The following RUNX1T1 variants were observed in gnomAD, a reference collection of about 807,000 sequenced individuals.
The protein encoded by RUNX1T1 is RUNX1 partner transcriptional co-repressor 1, also known as protein CBFA2T1.
RUNX1T1 carries 4 observed loss-of-function variants against 62.8 expected under a neutral mutation model. That is an observed-to-expected ratio of 0.06 (90% CI 0.03 to 0.15). RUNX1T1 has a LOEUF of 0.15. RUNX1T1 is among the 10% of genes least tolerant of loss of function. The pLI, the probability that RUNX1T1 is intolerant of heterozygous loss-of-function variation, is 1.00. For synonymous variants in RUNX1T1, 291 were observed against 286.0 expected (o/e 1.02, Z -0.18); for missense variants, 508 against 754.3 (o/e 0.67, Z 3.82).
intron 1 of RUNX1T1, among the ~76,000 whole-genome samples, chr8:92,054,503 T>C (rs566903187): frequency 3.9e-5 from 6 of 152,298 alleles, no homozygotes; most frequent in South Asian, 2.1e-4. Flanking sequence ...ATTGCCATCC[T>C]GTGAAAGTTA....
intron 1 of RUNX1T1, among the ~76,000 whole-genome samples, chr8:92,025,876 C>T (rs1230292272): frequency 1.3e-5 from 2 of 152,100 alleles, no homozygotes; most frequent in Non-Finnish European, 2.9e-5. Flanking sequence ...TTATTCAATT[C>T]ACCAGTTTTC....
At chr8:92,089,629 C>G (rs1220886543) in intron 1 of RUNX1T1, among the ~76,000 whole-genome samples, 4 of 152,094 alleles carry the variant, frequency 2.6e-5, no homozygotes, top group South Asian at 4.1e-4. Context: ...TGTCCAGTAA[C>G]TATGAGGCGA....
At chr8:92,035,177 C>G (rs1422829183) in intron 1 of RUNX1T1, among the ~76,000 whole-genome samples, 3 of 151,788 alleles carry the variant, frequency 2.0e-5, no homozygotes, top group Non-Finnish European at 2.9e-5. Flanking sequence ...CACCTGTAAT[C>G]CCAGCTACTT....
intron 8 of RUNX1T1, among the ~76,000 whole-genome samples, chr8:91,980,938 C>A (rs1036279893): frequency 1.6e-4 from 24 of 152,266 alleles, no homozygotes; most frequent in African/African-American, 5.5e-4. Context: ...TCCCAAAGTG[C>A]TGGGATTATA....
intron 1 of RUNX1T1, among the ~76,000 whole-genome samples, chr8:92,018,493 C>T (rs941415313): frequency 5.3e-5 from 8 of 152,094 alleles, no homozygotes; most frequent in African/African-American, 9.7e-5. Flanking sequence ...ACACACCCAA[C>T]GTATTTTGAG....
intron 8 of RUNX1T1, among the ~76,000 whole-genome samples, chr8:91,980,953 T>G (rs770087604): frequency 1.3e-5 from 2 of 152,080 alleles, no homozygotes; most frequent in African/African-American, 4.8e-5. Flanking sequence ...ATTATAGGCA[T>G]GAGACACTTC....
At chr8:92,035,575 G>A (rs539295804) in intron 1 of RUNX1T1, among the ~76,000 whole-genome samples, 7 of 152,052 alleles carry the variant, frequency 4.6e-5, no homozygotes, top group South Asian at 2.1e-4. Context: ...TATTTTATAC[G>A]GTTGTTTCAA....
At chr8:92,040,004 C>A (rs149059500) in intron 1 of RUNX1T1, among the ~76,000 whole-genome samples, 1 of 152,158 alleles carries the variant, frequency 6.6e-6, no homozygotes, top group African/African-American at 2.4e-5. Context: ...AATGTGACTC[C>A]TCTGCTTAAA....
At chr8:91,973,642 T>C (rs1813318966) in intron 9 of RUNX1T1, among the ~76,000 whole-genome samples, 1 of 152,084 alleles carries the variant, frequency 6.6e-6, no homozygotes, top group Non-Finnish European at 1.5e-5. Context: ...CATAGCCAAT[T>C]TTAGAAAGCT....
intron 1 of RUNX1T1, among the ~76,000 whole-genome samples, chr8:92,061,836 A>G (rs1269632222): frequency 1.3e-5 from 2 of 152,144 alleles, no homozygotes; most frequent in Non-Finnish European, 2.9e-5. Flanking sequence ...ACAGTTCTTG[A>G]GAACAGCCGA....
intron 9 of RUNX1T1, among the ~76,000 whole-genome samples, chr8:91,974,725 C>G (rs1485263310): frequency 6.6e-6 from 1 of 152,122 alleles, no homozygotes; most frequent in African/African-American, 2.4e-5. Context: ...GTATTTTAAC[C>G]TTTAAGCTAA....
intron 1 of RUNX1T1, among the ~76,000 whole-genome samples, chr8:92,030,842 T>C (rs1157059334): frequency 6.6e-6 from 1 of 152,198 alleles, no homozygotes; most frequent in African/African-American, 2.4e-5. Flanking sequence ...CTTCAACCTG[T>C]CTGGCGTCTG....
rs114453027 is a variant in RUNX1T1 at position 92,034,908 on chromosome 8, G to C, written c.8-17545C>G. 7.2e-3 allele frequency among the ~76,000 whole-genome samples: 1,089 copies of C among 151,510 alleles called. 14 individuals carry two copies. The highest frequency in any genetic ancestry group is 0.025 in the African/African-American group (1,014 of 41,296). On this transcript the variant is annotated intron_variant, in intron 1 of 10. Coordinates refer to ENST00000396218, the Ensembl canonical transcript of RUNX1T1. ...TGCAGCAACCCGGATGGAACTGGAG[G>C]CTATTATCCTAAGTGAAATACCTTA...
intron 1 of RUNX1T1, among the ~76,000 whole-genome samples, chr8:92,060,551 A>G (rs202105968): frequency 0.038 from 3,577 of 95,028 alleles, 122 homozygotes; most frequent in African/African-American, 0.089. Context: ...ATATATATAT[A>G]TATGTGTGTG....
At chr8:91,976,876 A>G (rs1423050781) in intron 8 of RUNX1T1, among the ~76,000 whole-genome samples, 1 of 152,210 alleles carries the variant, frequency 6.6e-6, no homozygotes, top group Non-Finnish European at 1.5e-5. Context: ...TAAGAAAAAA[A>G]TCATTTTAAC....
chr8:92,078,713 A>G (rs1336333196), intron 1 of RUNX1T1, among the ~76,000 whole-genome samples: 1 of 152,236 alleles, frequency 6.6e-6, no homozygotes, highest in Non-Finnish European at 1.5e-5. Context: ...TAGAAAATAC[A>G]GAAAGTGAAC....
At chr8:91,969,918 G>A (rs1057077435) in intron 10 of RUNX1T1, among the ~76,000 whole-genome samples, 2 of 151,918 alleles carry the variant, frequency 1.3e-5, no homozygotes, top group African/African-American at 4.8e-5. Context: ...TTAACGTGGA[G>A]CATTACTATT....
upstream of RUNX1T1, among the ~76,000 whole-genome samples, chr8:92,101,647 G>A (rs1175279848): frequency 6.6e-6 from 1 of 152,184 alleles, no homozygotes; most frequent in Non-Finnish European, 1.5e-5. Context: ...GGGGAGAGGG[G>A]GAGGGAAGGC....
intron 2 of RUNX1T1, among the ~76,000 whole-genome samples, chr8:92,069,671 A>G (rs1833392432): frequency 6.6e-6 from 1 of 152,218 alleles, no homozygotes; most frequent in African/African-American, 2.4e-5. Flanking sequence ...ATATCAATGT[A>G]AATTTTTAAA....
Sources: allele counts gnomAD v4.1 joint callset (sites outside exome capture counted in the v4.1 genomes callset), GRCh38; gene constraint gnomAD v4.1.1; transcripts MANE v1.5; gene names NCBI Gene and HGNC (gene_info 2026-07-23, HGNC 2026-07-21).